The following NXPH2 variants were observed in gnomAD, a reference collection of about 807,000 sequenced individuals.
NXPH2 encodes the protein neurexophilin-2.
A neutral mutation model predicts 19.8 loss-of-function variants in NXPH2; 5 were observed. The observed-to-expected ratio is 0.25, with a 90% CI of 0.13 to 0.53. NXPH2 has a LOEUF of 0.53. Ranked by LOEUF, NXPH2 falls within the 20% of genes least tolerant of loss-of-function variation. NXPH2 has a pLI of 0.96. For missense variants in NXPH2, 289 were observed against 322.8 expected (o/e 0.90, Z 0.80); for synonymous variants, 154 against 127.4 (o/e 1.21, Z -1.41).
chr2:138,672,541 T>A (rs912599522), intron 1 of NXPH2, among the ~76,000 whole-genome samples: 1 of 152,180 alleles, frequency 6.6e-6, no homozygotes, highest in African/African-American at 2.4e-5. Flanking sequence ...TAAGTAGATA[T>A]GGATTTTGAG....
chr2:138,742,949 C>T (rs1681667719), intron 1 of NXPH2, among the ~76,000 whole-genome samples: 2 of 152,180 alleles, frequency 1.3e-5, no homozygotes, highest in Middle Eastern at 3.4e-3. Context: ...CAAACAGCAA[C>T]AACATTTTTA....
chr2:138,741,657 T>C (rs1681644725), intron 1 of NXPH2, among the ~76,000 whole-genome samples: 1 of 152,192 alleles, frequency 6.6e-6, no homozygotes, highest in South Asian at 2.1e-4. Flanking sequence ...ATAATGTATA[T>C]TAAAGCAGCA....
chr2:138,717,345 G>T (rs138444624), intron 1 of NXPH2, among the ~76,000 whole-genome samples: 211 of 151,988 alleles, frequency 1.4e-3, no homozygotes, highest in African/African-American at 4.9e-3. Flanking sequence ...GTCTTAGTCC[G>T]TTTTGGCTAT....
chr2:138,727,196 T>A (rs1681372924), intron 1 of NXPH2, among the ~76,000 whole-genome samples: 1 of 152,200 alleles, frequency 6.6e-6, no homozygotes, highest in South Asian at 2.1e-4. Context: ...AAGGACATCT[T>A]GATTGCTTCT....
Position 138,768,855 on chromosome 2 carries a change from T to C in NXPH2, c.51+11336A>G, listed in dbSNP as rs116129120. ...ATAGCTAATAACTACCATTATTTTATAAGGAAAGAAACAGATTTAGTAGAT... is the reference window on the plus strand; with the variant it reads ...ATAGCTAATAACTACCATTATTTTACAAGGAAAGAAACAGATTTAGTAGAT... On this transcript the variant is annotated intron_variant, in intron 1 of 1. Transcript: ENST00000272641. Among the ~76,000 whole-genome samples, 636 of 152,324 alleles carry C rather than the reference T, an allele frequency of 4.2e-3. 2 individuals carry two copies. The highest frequency in any genetic ancestry group is 0.014 in the African/African-American group (593 of 41,586).
At chr2:138,739,534 C>A (rs1464732312) in intron 1 of NXPH2, among the ~76,000 whole-genome samples, 1 of 152,122 alleles carries the variant, frequency 6.6e-6, no homozygotes, top group Non-Finnish European at 1.5e-5. Flanking sequence ...GAGGAAATGG[C>A]AAGTGGTCCT....
intron 1 of NXPH2, among the ~76,000 whole-genome samples, chr2:138,758,490 C>T (rs971089729): frequency 1.3e-5 from 2 of 152,156 alleles, no homozygotes; most frequent in Non-Finnish European, 2.9e-5. Flanking sequence ...ACAGGAAGAA[C>T]CAAGACTAAA....
intron 1 of NXPH2, among the ~76,000 whole-genome samples, chr2:138,728,247 G>A (rs1006077479): frequency 6.6e-6 from 1 of 152,168 alleles, no homozygotes; most frequent in Non-Finnish European, 1.5e-5. Flanking sequence ...ACAGGGAGAA[G>A]ATGGCCACTT....
intron 1 of NXPH2, among the ~76,000 whole-genome samples, chr2:138,684,663 T>C (rs2104971568): frequency 6.6e-6 from 1 of 152,296 alleles, no homozygotes; most frequent in Middle Eastern, 3.4e-3. Flanking sequence ...GATGACACTT[T>C]CCTGTTTCAG....
At chr2:138,743,298 T>C (rs1430585522) in intron 1 of NXPH2, among the ~76,000 whole-genome samples, 1 of 152,206 alleles carries the variant, frequency 6.6e-6, no homozygotes, top group Non-Finnish European at 1.5e-5. Context: ...AACTGGCGAA[T>C]GGATAAATAA....
intron 1 of NXPH2, among the ~76,000 whole-genome samples, chr2:138,732,818 C>T (rs540368620): frequency 5.4e-4 from 82 of 152,262 alleles, no homozygotes; most frequent in African/African-American, 1.9e-3. Flanking sequence ...CTTCCTATTC[C>T]ACTTTTAGAG....
intron 1 of NXPH2, among the ~76,000 whole-genome samples, chr2:138,751,811 G>A (rs936490512): frequency 6.6e-6 from 1 of 151,944 alleles, no homozygotes; most frequent in Non-Finnish European, 1.5e-5. Context: ...ATTTTTTCCA[G>A]GGTGTCTTCA....
chr2:138,727,260 C>T (rs910315320), intron 1 of NXPH2, among the ~76,000 whole-genome samples: 3 of 152,182 alleles, frequency 2.0e-5, no homozygotes, highest in African/African-American at 7.2e-5. Flanking sequence ...TTTGTGTGCA[C>T]ATAAGTTTTC....
intron 1 of NXPH2, among the ~76,000 whole-genome samples, chr2:138,778,696 T>C (rs952266377): frequency 6.6e-6 from 1 of 152,232 alleles, no homozygotes; most frequent in Non-Finnish European, 1.5e-5. Flanking sequence ...AAATGCTGCT[T>C]TGTTAGATCA....
chr2:138,688,601 A>G (rs1223558660), intron 1 of NXPH2, among the ~76,000 whole-genome samples: 2 of 152,232 alleles, frequency 1.3e-5, no homozygotes, highest in Non-Finnish European at 2.9e-5. Context: ...ATTATATACA[A>G]AAGATACCAG....
chr2:138,779,477 CCT>C (rs757972968), intron 1 of NXPH2, among the ~76,000 whole-genome samples: 4 of 152,124 alleles, frequency 2.6e-5, no homozygotes, highest in Non-Finnish European at 5.9e-5. Flanking sequence ...GTTTCTTATT[CCT>C]CAGCGCCTCC....
chr2:138,678,196 C>T (rs1015166396), intron 1 of NXPH2, among the ~76,000 whole-genome samples: 4 of 152,060 alleles, frequency 2.6e-5, no homozygotes. Context: ...TTGTAGAATA[C>T]CCTTCAATTT....
At chr2:138,701,416 A>C (rs1177153487) in intron 1 of NXPH2, among the ~76,000 whole-genome samples, 1 of 152,218 alleles carries the variant, frequency 6.6e-6, no homozygotes, top group Non-Finnish European at 1.5e-5. Flanking sequence ...ATGGATAGGA[A>C]GGAAGAAGAA....
intron 1 of NXPH2, among the ~76,000 whole-genome samples, chr2:138,754,835 A>G (rs1681881856): frequency 6.6e-6 from 1 of 152,162 alleles, no homozygotes; most frequent in African/African-American, 2.4e-5. Context: ...TTGATCAGCA[A>G]TGAATGAGAG....
Sources: allele counts gnomAD v4.1 joint callset (sites outside exome capture counted in the v4.1 genomes callset), GRCh38; gene constraint gnomAD v4.1.1; transcripts MANE v1.5; gene names NCBI Gene and HGNC (gene_info 2026-07-23, HGNC 2026-07-21).